Variants in PALLD observed in about 807,000 individuals in gnomAD.
The protein encoded by PALLD is palladin, cytoskeletal associated protein.
In PALLD, 61 loss-of-function variants were observed where a neutral mutation model predicts 123.5. The ratio of observed to expected loss-of-function variants is 0.49; its 90% CI spans 0.40 to 0.61. The LOEUF is 0.61. PALLD is among the 20% of genes least tolerant of loss of function. PALLD has a pLI of 0.00. For missense variants in PALLD, 1,273 were observed against 1,377.0 expected (o/e 0.92, Z 1.20); for synonymous variants, 465 against 496.4 (o/e 0.94, Z 0.84).
At chr4:168,514,313 T>A (rs926201434) in intron 2 of PALLD, among the ~76,000 whole-genome samples, 1 of 152,154 alleles carries the variant, frequency 6.6e-6, no homozygotes, top group Non-Finnish European at 1.5e-5. Context: ...TCTGACCTCA[T>A]TGTGCACACA....
rs573389850 is a variant in PALLD at position 168,783,798 on chromosome 4, A to G, written c.1964+71875A>G. 2.0e-5 allele frequency among the ~76,000 whole-genome samples: 3 copies of G among 152,316 alleles called. No individual in the cohort carries two copies. In the East Asian group the frequency reaches 5.8e-4, roughly 29 times the overall value. On this transcript the variant is annotated intron_variant, in intron 10 of 21. Transcript: ENST00000505667. The stretch of plus-strand genomic sequence containing the variant: ...GTAAGATGGAGTCAGGTTGAGGACA[A>G]GAATAATTTTCCAAAAACACTTTGA...
At chr4:168,753,383 T>A (rs909319917) in intron 10 of PALLD, among the ~76,000 whole-genome samples, 2 of 147,602 alleles carry the variant, frequency 1.4e-5, no homozygotes, top group African/African-American at 5.0e-5. Context: ...CCTTTGTCTC[T>A]CTCTCTCCCC....
At chr4:168,691,226 T>C in intron 7 of PALLD, 43 bp from the exon 8 acceptor site, 2 of 1,464,562 alleles carry the variant, frequency 1.4e-6, no homozygotes, top group Non-Finnish European at 1.9e-6. Context: ...GGAACCCCAT[T>C]CTAATACTTT....
intron 17 of PALLD, among the ~76,000 whole-genome samples, chr4:168,918,199 AAAAAG>A (rs1339443890): frequency 1.3e-5 from 2 of 151,944 alleles, no homozygotes; most frequent in African/African-American, 2.4e-5. Flanking sequence ...ACAAAAAAAA[AAAAAG>A]AAAAGAAAAT....
chr4:168,605,757 A>C (rs1480692045), intron 2 of PALLD, among the ~76,000 whole-genome samples: 1 of 152,202 alleles, frequency 6.6e-6, no homozygotes, highest in East Asian at 1.9e-4. Flanking sequence ...AGTAGTCCCC[A>C]AAAATAAATA....
intron 2 of PALLD, among the ~76,000 whole-genome samples, chr4:168,537,210 GT>G (rs1765187342): frequency 6.6e-6 from 1 of 152,268 alleles, no homozygotes; most frequent in African/African-American, 2.4e-5. Context: ...ATTTCATTAA[GT>G]TGCTTAGGGT....
At chr4:168,755,367 C>T (rs1174007958) in intron 10 of PALLD, among the ~76,000 whole-genome samples, 1 of 151,858 alleles carries the variant, frequency 6.6e-6, no homozygotes, top group Non-Finnish European at 1.5e-5. Context: ...GCAAACCATG[C>T]AGAAATCTGG....
chr4:168,913,319 A>G (rs1331384660), intron 15 of PALLD, among the ~76,000 whole-genome samples: 1 of 151,858 alleles, frequency 6.6e-6, no homozygotes. Context: ...GTATTTTTTT[A>G]GTAGAGACGG....
intron 10 of PALLD, among the ~76,000 whole-genome samples, chr4:168,736,914 G>A (rs1262868694): frequency 1.3e-5 from 2 of 152,102 alleles, no homozygotes; most frequent in African/African-American, 4.8e-5. Context: ...GGTTATTAAC[G>A]TGAAGTTTAA....
At chr4:168,561,568 C>G (rs1767872842) in intron 2 of PALLD, among the ~76,000 whole-genome samples, 1 of 152,196 alleles carries the variant, frequency 6.6e-6, no homozygotes, top group African/African-American at 2.4e-5. Flanking sequence ...CACCTCTGTG[C>G]CCAGCCCCAG....
chr4:168,786,907 G>C (rs1031161421), intron 10 of PALLD, among the ~76,000 whole-genome samples: 2 of 152,102 alleles, frequency 1.3e-5, no homozygotes, highest in Non-Finnish European at 2.9e-5. Context: ...ACCTTCATAG[G>C]GTCCCAAAGC....
At chr4:168,663,781 C>G (rs920583931) in intron 2 of PALLD, among the ~76,000 whole-genome samples, 14 of 152,332 alleles carry the variant, frequency 9.2e-5, no homozygotes, top group East Asian at 5.8e-4. Flanking sequence ...ATTGTTTCCT[C>G]ATGCCATTAT....
At chr4:168,734,095 T>C (rs1349390447) in intron 10 of PALLD, among the ~76,000 whole-genome samples, 1 of 152,196 alleles carries the variant, frequency 6.6e-6, no homozygotes, top group African/African-American at 2.4e-5. Context: ...GTATCTGAGA[T>C]ATCGGTTTGA....
At chr4:168,705,273 T>C (rs140383662) in intron 8 of PALLD, among the ~76,000 whole-genome samples, 16 of 152,308 alleles carry the variant, frequency 1.1e-4, no homozygotes, top group African/African-American at 3.8e-4. Context: ...TTGATAAGAT[T>C]ACAGGAAACT....
chr4:168,676,579 T>TA (rs922213906), intron 3 of PALLD, among the ~76,000 whole-genome samples: 13 of 149,458 alleles, frequency 8.7e-5, no homozygotes, highest in East Asian at 3.9e-4. Flanking sequence ...TATATATATT[T>TA]AAAAAAAAAT....
chr4:168,782,831 CT>C (rs1162995523), intron 10 of PALLD, among the ~76,000 whole-genome samples: 1 of 152,022 alleles, frequency 6.6e-6, no homozygotes, highest in Non-Finnish European at 1.5e-5. Flanking sequence ...ATGAGAATCG[CT>C]TGAACCTGGG....
intron 2 of PALLD, among the ~76,000 whole-genome samples, chr4:168,545,018 C>G (rs974056022): frequency 6.6e-6 from 1 of 152,174 alleles, no homozygotes; most frequent in African/African-American, 2.4e-5. Context: ...GATCCAGCAA[C>G]TTCAATCCTT....
chr4:168,711,285 C>CT (rs1784811737), intron 9 of PALLD, among the ~76,000 whole-genome samples: 1 of 152,108 alleles, frequency 6.6e-6, no homozygotes, highest in Admixed American at 6.5e-5. Context: ...TGTGTTGTCA[C>CT]TTTTTTTGCC....
chr4:168,781,973 A>C (rs1735989666), intron 10 of PALLD, among the ~76,000 whole-genome samples: 1 of 151,948 alleles, frequency 6.6e-6, no homozygotes, highest in African/African-American at 2.4e-5. Flanking sequence ...GGCACCCATC[A>C]GAGCTAAATG....
Sources: allele counts gnomAD v4.1 joint callset (sites outside exome capture counted in the v4.1 genomes callset), GRCh38; gene constraint gnomAD v4.1.1; transcripts MANE v1.5; gene names NCBI Gene and HGNC (gene_info 2026-07-23, HGNC 2026-07-21).